The following MAGI1 variants were observed in gnomAD, a reference collection of about 807,000 sequenced individuals.
The protein encoded by MAGI1 is membrane-associated guanylate kinase, WW and PDZ domain-containing protein 1.
MAGI1 carries 58 observed loss-of-function variants against 139.9 expected under a neutral mutation model. The observed-to-expected ratio is 0.41, with a 90% CI of 0.34 to 0.52. The LOEUF (loss-of-function observed/expected upper bound fraction) is 0.52. MAGI1 is among the 20% of genes least tolerant of loss of function. The pLI, the probability that MAGI1 is intolerant of heterozygous loss-of-function variation, is 0.12. For missense variants in MAGI1, 1,874 were observed against 1,901.6 expected (o/e 0.99, Z 0.27); for synonymous variants, 812 against 737.9 (o/e 1.10, Z -1.63).
At chr3:65,999,963 C>A (rs1048763827) in intron 1 of MAGI1, among the ~76,000 whole-genome samples, 1 of 139,700 alleles carries the variant, frequency 7.2e-6, no homozygotes, top group Non-Finnish European at 1.5e-5. Context: ...AGGTCTTGTT[C>A]CCCCCACGCT....
intron 2 of MAGI1, among the ~76,000 whole-genome samples, chr3:65,583,349 G>A (rs932962522): frequency 9.2e-5 from 14 of 152,114 alleles, no homozygotes; most frequent in African/African-American, 1.2e-4. Flanking sequence ...CAAAACATGC[G>A]TCTTGCAAGA....
chr3:65,507,711 T>C (rs1203875681), intron 2 of MAGI1, among the ~76,000 whole-genome samples: 1 of 152,228 alleles, frequency 6.6e-6, no homozygotes, highest in East Asian at 1.9e-4. Flanking sequence ...TTAACTGTTA[T>C]TGCCCTCATT....
intron 1 of MAGI1, among the ~76,000 whole-genome samples, chr3:65,975,482 A>G (rs1406184608): frequency 6.6e-6 from 1 of 152,110 alleles, no homozygotes; most frequent in African/African-American, 2.4e-5. Context: ...TAGGCCGGGC[A>G]CAGTGGCTCA....
intron 4 of MAGI1, among the ~76,000 whole-genome samples, chr3:65,475,054 C>CA (rs1322562342): frequency 2.0e-5 from 3 of 151,032 alleles, no homozygotes; most frequent in African/African-American, 7.3e-5. Flanking sequence ...TCTCTACCAA[C>CA]AAAAAAGAAG....
At chr3:66,017,328 C>T (rs1003040951) in intron 1 of MAGI1, among the ~76,000 whole-genome samples, 2 of 152,234 alleles carry the variant, frequency 1.3e-5, no homozygotes, top group Non-Finnish European at 2.9e-5. Flanking sequence ...CTGCAATGAG[C>T]CAGGCTCGCA....
At chr3:65,872,623 T>C (rs2059977151) in intron 1 of MAGI1, among the ~76,000 whole-genome samples, 1 of 152,124 alleles carries the variant, frequency 6.6e-6, no homozygotes, top group Non-Finnish European at 1.5e-5. Context: ...AGACAATAAA[T>C]AGAGCAGCTT....
intron 1 of MAGI1, among the ~76,000 whole-genome samples, chr3:65,877,952 T>C (rs1455489297): frequency 6.6e-6 from 1 of 151,124 alleles, no homozygotes; most frequent in African/African-American, 2.4e-5. Flanking sequence ...ACAAAAAGTG[T>C]TTTAAAAAAT....
intron 1 of MAGI1, among the ~76,000 whole-genome samples, chr3:66,018,234 G>A (rs1296576947): frequency 6.6e-6 from 1 of 151,894 alleles, no homozygotes; most frequent in Non-Finnish European, 1.5e-5. Flanking sequence ...AGCAGCCCCT[G>A]CATATTTTCA....
intron 1 of MAGI1, among the ~76,000 whole-genome samples, chr3:65,945,769 T>C (rs1274392002): frequency 6.6e-6 from 1 of 152,242 alleles, no homozygotes; most frequent in African/African-American, 2.4e-5. Flanking sequence ...TCTCTGTGAA[T>C]CTGCTGTGAT....
intron 1 of MAGI1, among the ~76,000 whole-genome samples, chr3:65,851,061 C>G (rs990841905): frequency 3.3e-5 from 5 of 151,778 alleles, no homozygotes; most frequent in African/African-American, 1.2e-4. Context: ...GAGCCGAGAT[C>G]ACGCCACTGC....
At chr3:65,446,560 G>A (rs926537106) in intron 7 of MAGI1, among the ~76,000 whole-genome samples, 1 of 152,030 alleles carries the variant, frequency 6.6e-6, no homozygotes, top group Non-Finnish European at 1.5e-5. Flanking sequence ...GTACACAGCT[G>A]TGCTATCTCC....
Position 65,356,321 on chromosome 3 carries a change from T to C in MAGI1, c.*57A>G. The C allele has an allele frequency of 4.7e-6, 7 of 1,485,316 alleles. No individual in the cohort carries two copies. In the South Asian group the frequency reaches 9.6e-5, roughly 20 times the overall value. The allele number at this position is 1,485,316 out of a possible 1,614,324, so 92.0% of individuals were successfully genotyped here. A position where few individuals can be genotyped will look rare whatever the true frequency, so the allele number is the denominator to read the frequency against. On this transcript the variant is annotated 3_prime_UTR_variant, in exon 23 of 23. Coordinates refer to ENST00000402939, the MANE Select transcript of MAGI1 (RefSeq NM_001033057.2). ...GTAAGAAACTAAATAATTTCAGGTTTGTGACTTTCCTCTTAGAACCTTTGA... is the reference window on the plus strand; with the variant it reads ...GTAAGAAACTAAATAATTTCAGGTTCGTGACTTTCCTCTTAGAACCTTTGA...
At chr3:65,468,787 T>C (rs923729687) in intron 5 of MAGI1, among the ~76,000 whole-genome samples, 2 of 151,744 alleles carry the variant, frequency 1.3e-5, no homozygotes, top group African/African-American at 2.4e-5. Context: ...ATATGCTAAG[T>C]ATGTCATGCT....
In MAGI1 at chr3:65,824,979, C is replaced by T. The variant is rs181719724; in HGVS notation, c.314-202891G>A. Among the ~76,000 whole-genome samples, 210 of 152,258 alleles carry T rather than the reference C, an allele frequency of 1.4e-3. 2 individuals are homozygous for T. Among genetic ancestry groups the T allele is most frequent in the African/African-American group, 5.0e-3 (207 of 41,546 alleles). ...AGAAGCATGTCTGTACTCCCTGCCC[C>T]CAATGAGCAAACACACACACAAATG... is the stretch of plus-strand genomic sequence containing the variant. On this transcript the variant is annotated intron_variant, in intron 1 of 22. Coordinates refer to ENST00000402939, the MANE Select transcript of MAGI1 (RefSeq NM_001033057.2).
rs545126345 is a variant in MAGI1 at position 65,400,595 on chromosome 3, T to C, written c.2199+844A>G. The stretch of plus-strand genomic sequence containing the variant: ...TTCACAGGCACTGGAGTTCCAGATG[T>C]TGAGTTAAGCAGCATTTTAATTTGT... On this transcript the variant is annotated intron_variant, in intron 13 of 22. Transcript: ENST00000402939. 1.6e-4 allele frequency among the ~76,000 whole-genome samples: 24 copies of C among 152,026 alleles called. 1 individual carries two copies. The South Asian group carries it at 2.5e-3, about 16-fold the overall frequency.
chr3:65,763,133 C>T (rs1344069853), intron 1 of MAGI1, among the ~76,000 whole-genome samples: 2 of 152,156 alleles, frequency 1.3e-5, no homozygotes, highest in Non-Finnish European at 2.9e-5. Context: ...CAAGTATCCT[C>T]CCTATACTAG....
intron 1 of MAGI1, among the ~76,000 whole-genome samples, chr3:65,942,086 C>T (rs2063342618): frequency 6.6e-6 from 1 of 152,150 alleles, no homozygotes; most frequent in Non-Finnish European, 1.5e-5. Flanking sequence ...CATACCCAGC[C>T]TTAGCTTTCT....
chr3:65,364,340 C>A (rs78781347), intron 20 of MAGI1, among the ~76,000 whole-genome samples: 8,881 of 152,068 alleles, frequency 0.058, 737 homozygotes, highest in East Asian at 0.31. Flanking sequence ...CACCTTATCA[C>A]AAAGACATTT....
At chr3:65,389,414 GAT>G (rs1943717298) in intron 14 of MAGI1, among the ~76,000 whole-genome samples, 1 of 152,212 alleles carries the variant, frequency 6.6e-6, no homozygotes, top group African/African-American at 2.4e-5. Flanking sequence ...ATCACAAAAA[GAT>G]TCATACAGGA....
Sources: allele counts gnomAD v4.1 joint callset (sites outside exome capture counted in the v4.1 genomes callset), GRCh38; gene constraint gnomAD v4.1.1; transcripts MANE v1.5; gene names NCBI Gene and HGNC (gene_info 2026-07-23, HGNC 2026-07-21).